The following MGST1 variants were observed in gnomAD, a reference collection of about 807,000 sequenced individuals.
MGST1 encodes microsomal glutathione S-transferase 1.
Under a neutral mutation model 8.9 loss-of-function variants are expected in MGST1, and 5 were observed. The observed-to-expected ratio is 0.56, with a 90% CI of 0.29 to 1.19. MGST1 has a LOEUF of 1.19. Among genes scored for constraint, MGST1 ranks in the 50% most tolerant of loss-of-function variants. The probability of loss-of-function intolerance (pLI) is 0.08; values close to 1 mark genes in which losing one functional copy is unlikely to be tolerated. For synonymous variants in MGST1, 54 were observed against 67.8 expected (o/e 0.80, Z 1.00); for missense variants, 182 against 187.4 (o/e 0.97, Z 0.17).
intron 1 of MGST1, among the ~76,000 whole-genome samples, chr12:16,414,885 G>A (rs1050677726): frequency 2.0e-5 from 3 of 152,088 alleles, no homozygotes; most frequent in Admixed American, 6.5e-5. Flanking sequence ...TTAGCCGGGC[G>A]TGATGGCACG....
intron 1 of MGST1, among the ~76,000 whole-genome samples, chr12:16,412,506 A>G (rs1401288443): frequency 6.6e-6 from 1 of 152,214 alleles, no homozygotes; most frequent in African/African-American, 2.4e-5. Context: ...GACATCCAAA[A>G]TAGGCTTTTG....
At chr12:16,377,367 A>G (rs972364122), downstream of MGST1, among the ~76,000 whole-genome samples, 1 of 137,678 alleles carries the variant, frequency 7.3e-6, no homozygotes, top group African/African-American at 2.7e-5. Flanking sequence ...TCCTTGTTCA[A>G]TTCCCACCTA....
rs1306230073 is a variant in MGST1 at position 16,401,101 on chromosome 12, TC to T, written n.778+17499del. The T allele has an allele frequency of 1.3e-6, 2 of 1,583,440 alleles. No individual in the cohort carries two copies. Among genetic ancestry groups the T allele is most frequent in the Non-Finnish European group, 1.7e-6 (2 of 1,152,850 alleles). On this transcript the variant is annotated intron_variant and non_coding_transcript_variant, in intron 1 of 1. Transcript: ENST00000359720. The surrounding 1 kb of genome is among the most constrained non-coding windows in gnomAD (Gnocchi z 4.3). ...GTCCTCTGCCTCATCTTTCTCCTCC[TC>T]CTCCTTTTCCTCATCTTCGTTCCTT...
intron 4 of MGST1, among the ~76,000 whole-genome samples, chr12:16,570,157 T>C (rs1028835164): frequency 1.3e-5 from 2 of 152,186 alleles, no homozygotes; most frequent in African/African-American, 4.8e-5. Flanking sequence ...TTTGTGATAG[T>C]CTATTCTATA....
chr12:16,592,034 G>C (rs1342806046), downstream of MGST1, among the ~76,000 whole-genome samples: 4 of 151,896 alleles, frequency 2.6e-5, no homozygotes, highest in Non-Finnish European at 5.9e-5. Flanking sequence ...AAAATAACTT[G>C]CTCTTAAGTT....
At chr12:16,554,315 TAATGTTAGTGACTGAC>T (rs758353227) in intron 4 of MGST1, among the ~76,000 whole-genome samples, 12 of 152,242 alleles carry the variant, frequency 7.9e-5, no homozygotes, top group Non-Finnish European at 1.6e-4. Flanking sequence ...CTTCTTTCCC[TAATGTTAGTGACTGAC>T]AATTATGATT....
chr12:16,349,179 A>G (rs566023245), intron 1 of MGST1: 1 of 152,192 alleles, frequency 6.6e-6, no homozygotes, highest in Non-Finnish European at 1.5e-5. Context: ...TTTAGAAGGT[A>G]CAAAATTGCA....
chr12:16,569,177 T>C (rs771847808), intron 4 of MGST1, among the ~76,000 whole-genome samples: 1 of 152,202 alleles, frequency 6.6e-6, no homozygotes, highest in African/African-American at 2.4e-5. Flanking sequence ...AGCTCTGCTA[T>C]AGAGAGCAGA....
intron 1 of MGST1, chr12:16,400,863 C>T (rs878859630): frequency 2.6e-6 from 3 of 1,172,082 alleles, no homozygotes; most frequent in African/African-American, 1.5e-5. Context: ...ATATGTGGTT[C>T]CTTAGGCATC....
chr12:16,439,581 C>T (rs1294916123), downstream of MGST1, among the ~76,000 whole-genome samples: 1 of 151,816 alleles, frequency 6.6e-6, no homozygotes, highest in African/African-American at 2.4e-5. Flanking sequence ...TGATATACTC[C>T]TGTCACTTAT....
chr12:16,512,249 T>A (rs544664364), intron 4 of MGST1, among the ~76,000 whole-genome samples: 1 of 151,802 alleles, frequency 6.6e-6, no homozygotes, highest in African/African-American at 2.4e-5. Context: ...GTGGGGAAGA[T>A]TTGTAAGAGA....
chr12:16,492,771 C>G (rs1424239412), intron 4 of MGST1, among the ~76,000 whole-genome samples: 1 of 152,136 alleles, frequency 6.6e-6, no homozygotes, highest in Admixed American at 6.6e-5. Flanking sequence ...AGGTTGGAGT[C>G]TGAACTACAT....
rs1289988963 is a variant in MGST1 at position 16,410,299 on chromosome 12, C to T, written n.778+26695C>T. Reference sequence around the variant, plus strand: ...ATTTTAATGGAAGGGTTGAATCTACCGTTTTACTAGCATTCCTGCTTATAT... The same window carrying T: ...ATTTTAATGGAAGGGTTGAATCTACTGTTTTACTAGCATTCCTGCTTATAT... On this transcript the variant is annotated intron_variant and non_coding_transcript_variant, in intron 1 of 1. Transcript: ENST00000359720. The surrounding 1 kb of genome is among the most constrained non-coding windows in gnomAD (Gnocchi z 4.4). 3.9e-5 allele frequency among the ~76,000 whole-genome samples: 6 copies of T among 152,026 alleles called. No homozygotes were observed. Among genetic ancestry groups the T allele is most frequent in the African/African-American group, 1.2e-4 (5 of 41,408 alleles).
chr12:16,376,585 G>A (rs963833431), exon 4 of MGST1: 1 of 151,588 alleles, frequency 6.6e-6, no homozygotes, highest in Non-Finnish European at 1.5e-5. Flanking sequence ...AGAACCTAGA[G>A]ATTAAAAGAA....
intron 1 of MGST1, among the ~76,000 whole-genome samples, chr12:16,416,314 G>A (rs527482533): frequency 6.6e-6 from 1 of 152,180 alleles, no homozygotes; most frequent in African/African-American, 2.4e-5. Context: ...AGTTGGAAAT[G>A]AGTAAGGGTC....
chr12:16,539,805 C>A (rs978805475), intron 4 of MGST1, among the ~76,000 whole-genome samples: 1 of 152,156 alleles, frequency 6.6e-6, no homozygotes, highest in Non-Finnish European at 1.5e-5. Flanking sequence ...GACAACATAC[C>A]AACTGAATCA....
chr12:16,388,727 C>T lies in MGST1; in HGVS notation n.778+5123C>T, dbSNP rs571470487. ...GAAACACTTAGTGGAACCCTTCAAG[C>T]GACACTGGCCTAGGCATTATCACAG... On this transcript the variant is annotated intron_variant and non_coding_transcript_variant, in intron 1 of 1. Coordinates refer to the MGST1 transcript ENST00000359720. Among the ~76,000 whole-genome samples the T allele has an allele frequency of 5.3e-4, 80 of 152,288 alleles. 1 individual carries two copies. The highest frequency in any genetic ancestry group is 2.3e-3 in the South Asian group (11 of 4,824).
intron 4 of MGST1, among the ~76,000 whole-genome samples, chr12:16,492,332 G>A (rs1205188473): frequency 6.6e-6 from 1 of 152,112 alleles, no homozygotes; most frequent in African/African-American, 2.4e-5. Flanking sequence ...CACTGTCACA[G>A]TGCTTGATTA....
chr12:16,588,833 C>A (rs1174863910), intron 4 of MGST1, among the ~76,000 whole-genome samples: 1 of 152,058 alleles, frequency 6.6e-6, no homozygotes, highest in Non-Finnish European at 1.5e-5. Context: ...ATCTTCTCCT[C>A]ATGTTTAATT....
Sources: gnomAD v4.1 joint callset for allele counts (sites outside exome capture counted in the v4.1 genomes callset) on GRCh38, gnomAD v4.1.1 for gene constraint, Gnocchi (gnomAD v3.1) non-coding constraint, MANE v1.5 for transcripts, NCBI Gene and HGNC (gene_info 2026-07-23, HGNC 2026-07-21) for gene names.